The following ANK2 variants were observed in gnomAD, a reference collection of about 807,000 sequenced individuals.
The protein encoded by ANK2 is ankyrin 2.
A neutral mutation model predicts 360.5 loss-of-function variants in ANK2; 83 were observed. The ratio of observed to expected loss-of-function variants is 0.23; its 90% CI spans 0.19 to 0.28. The LOEUF (loss-of-function observed/expected upper bound fraction) is 0.28, where lower values mean the gene tolerates loss of function less well. Among genes scored for constraint, ANK2 ranks in the 10% least tolerant of loss-of-function variants. The probability of loss-of-function intolerance (pLI) is 1.00; values close to 1 mark genes in which losing one functional copy is unlikely to be tolerated. For synonymous variants in ANK2, 1,740 were observed against 1,759.5 expected, an observed-to-expected ratio of 0.99 and a Z score of 0.28; for missense variants, 4,201 against 4,795.7, an observed-to-expected ratio of 0.88 and a Z score of 3.66.
At position 113,287,689 on chromosome 4, in the gene ANK2, G is replaced by A. The variant is rs1281859197; in HGVS notation, c.2164G>A (p.Asp722Asn). 1 of 1,611,148 alleles carries A rather than the reference G, an allele frequency of 6.2e-7. No homozygotes were observed. Among genetic ancestry groups the A allele is most frequent in the Non-Finnish European group, 8.5e-7 (1 of 1,177,464 alleles). ...DILTKHGADQ[D>N]AHTKLGYTPL... Reference sequence around the variant, plus strand: ...TCTCACCAAGCATGGAGCTGATCAGGATGCTCATACAAAGGTAAAGCAAAT... The same window carrying A: ...TCTCACCAAGCATGGAGCTGATCAGAATGCTCATACAAAGGTAAAGCAAAT... Residue 722 changes from aspartate (D) to asparagine (N), a missense_variant, in exon 19 of 46, where the codon GAT becomes AAT. Around this residue, in one of 4 missense-constraint regions of ANK2, gnomAD observed 1,268 missense variants for 1,650.8 expected, o/e 0.77. Transcript: ENST00000357077.
At chr4:113,154,589 T>C (rs1326033993) in intron 1 of ANK2, among the ~76,000 whole-genome samples, 1 of 152,234 alleles carries the variant, frequency 6.6e-6, no homozygotes, top group East Asian at 1.9e-4. Flanking sequence ...TAATGTGAAG[T>C]GTATCAAATA....
At chr4:112,724,520 A>G in the ANK2 span, among the ~76,000 whole-genome samples, 2 of 151,332 alleles carry the variant, frequency 1.3e-5, no homozygotes, top group African/African-American at 4.9e-5. Flanking sequence ...AAAGAAAGGA[A>G]GAAAATAAAG....
At chr4:112,831,996 C>T (rs1011690695) in intron 1 of ANK2, among the ~76,000 whole-genome samples, 1 of 150,428 alleles carries the variant, frequency 6.6e-6, no homozygotes, top group Non-Finnish European at 1.5e-5. Flanking sequence ...TCTTTAAGAA[C>T]TGTAACACTC....
In ANK2 at chr4:113,282,703, C is replaced by T. The variant is rs150488571; in HGVS notation, c.1910C>T (p.Ala637Val). 69 of 1,613,328 alleles carry T rather than the reference C, an allele frequency of 4.3e-5. No homozygotes were observed. The African/African-American group carries it at 6.5e-4, about 15-fold the overall frequency. The change falls in exon 18 of 46, where the codon GCC becomes GTC. Residue 637 changes from alanine (A) to valine (V), a missense_variant. This residue lies in a region of ANK2 where 1,268 missense variants were observed against 1,650.8 expected (regional missense o/e 0.77). Coordinates refer to ENST00000357077, the MANE Select transcript of ANK2 (RefSeq NM_001148.6). Reference sequence around the variant, plus strand: ...GGCTATACTCCGTTACATATTGCTGCCAAGAAGAATCAAATGCAGATAGCT... The same window carrying T: ...GGCTATACTCCGTTACATATTGCTGTCAAGAAGAATCAAATGCAGATAGCT... ...KNGYTPLHIAAKKNQMQIAST... is the reference protein window; with the variant it reads ...KNGYTPLHIAVKKNQMQIAST...
At chr4:113,014,979 C>T (rs2056125904) in intron 2 of ANK2, among the ~76,000 whole-genome samples, 1 of 151,662 alleles carries the variant, frequency 6.6e-6, no homozygotes, top group African/African-American at 2.4e-5. Flanking sequence ...CTGCCTCAGC[C>T]TCCCGAGTAG....
At chr4:112,913,251 T>C (rs912782455) in intron 2 of ANK2, among the ~76,000 whole-genome samples, 5 of 152,222 alleles carry the variant, frequency 3.3e-5, no homozygotes, top group African/African-American at 9.6e-5. Context: ...GGATACTTAA[T>C]TACCTTTCTG....
At chr4:113,037,342 T>C (rs1375915347) in intron 2 of ANK2, among the ~76,000 whole-genome samples, 2 of 152,034 alleles carry the variant, frequency 1.3e-5, no homozygotes, top group African/African-American at 4.8e-5. Context: ...GTGGCATTAA[T>C]ATTCTGAGTC....
chr4:113,004,807 T>C (rs1049233986), intron 2 of ANK2, among the ~76,000 whole-genome samples: 3 of 152,218 alleles, frequency 2.0e-5, no homozygotes, highest in African/African-American at 7.2e-5. Flanking sequence ...TAATGTGCTG[T>C]GCTGTGACAT....
chr4:112,815,594 T>C (rs1232359477), upstream of ANK2, among the ~76,000 whole-genome samples: 3 of 152,172 alleles, frequency 2.0e-5, no homozygotes, highest in Non-Finnish European at 4.4e-5. Flanking sequence ...GGATGGGAAC[T>C]CTTTGCCAGA....
intron 1 of ANK2, among the ~76,000 whole-genome samples, chr4:113,136,086 G>C (rs2096389962): frequency 6.6e-6 from 1 of 152,164 alleles, no homozygotes; most frequent in African/African-American, 2.4e-5. Context: ...TTAAGTATGT[G>C]AAGGAAGTTT....
chr4:112,783,628 A>ATTTATTTAT, the ANK2 span, among the ~76,000 whole-genome samples: 4 of 141,212 alleles, frequency 2.8e-5, no homozygotes, highest in South Asian at 4.7e-4. Context: ...ATGTTGATAT[A>ATTTATTTAT]TTATTTATTT....
chr4:112,951,103 AAAATGTGTGCCTCTTTGAC>A (rs2094952098), intron 2 of ANK2, among the ~76,000 whole-genome samples: 1 of 151,346 alleles, frequency 6.6e-6, no homozygotes, highest in Non-Finnish European at 1.5e-5. Flanking sequence ...AAAAAAAAAA[AAAATGTGTGCCTCTTTGAC>A]AGTAATTTAA....
chr4:113,311,464 G>A (rs1473945970), intron 24 of ANK2, 65 bp downstream of exon 24: 7 of 1,577,096 alleles, frequency 4.4e-6, no homozygotes, highest in South Asian at 1.1e-5. Flanking sequence ...TTATGATGAT[G>A]ATAAAAATGT....
Position 112,821,771 on chromosome 4 carries a change from A to ATTT in ANK2, c.-40+3520_-40+3522dup, listed in dbSNP as rs70958489. Among the ~76,000 whole-genome samples the ATTT allele has an allele frequency of 6.2e-3, 842 of 135,462 alleles. 12 individuals carry two copies. Among genetic ancestry groups the ATTT allele is most frequent in the African/African-American group, 0.02 (723 of 35,876 alleles). The allele number at this position is 135,462 out of a possible 152,430, so 88.9% of individuals were successfully genotyped here. ...ATTTGGGTGGTTTTCTGAGTCATAG[A>ATTT]TTTTTTTTTTTTTTTGAGAAAGGGT... On this transcript the variant is annotated intron_variant, in intron 1 of 30. Coordinates refer to the ANK2 transcript ENST00000503271.
chr4:113,191,486 A>G (rs1292280252), intron 2 of ANK2, among the ~76,000 whole-genome samples: 2 of 152,204 alleles, frequency 1.3e-5, no homozygotes, highest in Non-Finnish European at 2.9e-5. Context: ...ATTGTAATTC[A>G]AAATACTTAA....
At chr4:113,109,415 G>A (rs1050318594) in intron 1 of ANK2, among the ~76,000 whole-genome samples, 1 of 152,092 alleles carries the variant, frequency 6.6e-6, no homozygotes, top group Non-Finnish European at 1.5e-5. Flanking sequence ...GAGTTTTGTT[G>A]TAAGTCTCGG....
intron 2 of ANK2, among the ~76,000 whole-genome samples, chr4:112,982,060 A>G (rs2043264910): frequency 6.6e-6 from 1 of 152,184 alleles, no homozygotes; most frequent in Admixed American, 6.5e-5. Context: ...AAACTGAGAC[A>G]AGGTTTAAAT....
chr4:113,037,146 A>C (rs1156593805), intron 2 of ANK2, among the ~76,000 whole-genome samples: 1 of 152,146 alleles, frequency 6.6e-6, no homozygotes, highest in African/African-American at 2.4e-5. Flanking sequence ...GTTAACTTGC[A>C]AGTAGGATAA....
intron 32 of ANK2, among the ~76,000 whole-genome samples, chr4:113,340,465 G>A (rs2094141737): frequency 6.6e-6 from 1 of 152,220 alleles, no homozygotes; most frequent in African/African-American, 2.4e-5. Context: ...GGCCAAGACA[G>A]GTGGATTGCT....
Sources: gnomAD v4.1 joint callset for allele counts (sites outside exome capture counted in the v4.1 genomes callset) on GRCh38, gnomAD v4.1.1 for gene constraint, gnomAD v4.1.1 regional missense constraint, MANE v1.5 for transcripts, NCBI Gene and HGNC (gene_info 2026-07-23, HGNC 2026-07-21) for gene names.